CDH4: variants seen among roughly 807,000 people sequenced by gnomAD.
CDH4 encodes cadherin 4, also known as cadherin-4.
In CDH4, 33 loss-of-function variants were observed where a neutral mutation model predicts 86.0. That is an observed-to-expected ratio of 0.38 (90% CI 0.29 to 0.51). The LOEUF (loss-of-function observed/expected upper bound fraction) is 0.51, where lower values mean the gene tolerates loss of function less well. CDH4 is among the 20% of genes least tolerant of loss of function. The pLI is 0.86. For missense variants in CDH4, 1,114 were observed against 1,307.4 expected, an observed-to-expected ratio of 0.85 and a Z score of 2.28; for synonymous variants, 555 against 549.4, an observed-to-expected ratio of 1.01 and a Z score of -0.14.
chr20:61,561,109 T>C (rs887994307), intron 2 of CDH4, among the ~76,000 whole-genome samples: 2 of 152,180 alleles, frequency 1.3e-5, no homozygotes, highest in African/African-American at 2.4e-5. Context: ...GCTTTCCACA[T>C]AGCTGTCCCC....
In CDH4 at chr20:61,807,378, G is replaced by A. The variant is rs923379817; in HGVS notation, c.576+34196G>A. Among the ~76,000 whole-genome samples, 2 of 152,234 alleles carry A rather than the reference G, an allele frequency of 1.3e-5. No individual in the cohort carries two copies. Among genetic ancestry groups the A allele is most frequent in the Admixed American group, 6.5e-5 (1 of 15,290 alleles). On this transcript the variant is annotated intron_variant, in intron 4 of 15. Coordinates refer to ENST00000614565, the MANE Select transcript of CDH4 (RefSeq NM_001794.5). The surrounding 1 kb of genome is among the most constrained non-coding windows in gnomAD (Gnocchi z 4.5). ...GCGGTGGGAGAGGATTCCCTGAGCTGTAGAGTTTACCCTCAGCTTCTCGTA... is the reference window on the plus strand; with the variant it reads ...GCGGTGGGAGAGGATTCCCTGAGCTATAGAGTTTACCCTCAGCTTCTCGTA...
intron 3 of CDH4, among the ~76,000 whole-genome samples, chr20:61,757,886 C>T (rs2088584887): frequency 6.6e-6 from 1 of 152,170 alleles, no homozygotes; most frequent in African/African-American, 2.4e-5. Context: ...CTCTGAGGAC[C>T]TTGGAGTCCC....
At position 61,817,290 on chromosome 20, in the gene CDH4, G is replaced by A. The variant is rs569188985; in HGVS notation, c.577-27378G>A. On this transcript the variant is annotated intron_variant, in intron 4 of 15. Coordinates refer to ENST00000614565, the MANE Select transcript of CDH4 (RefSeq NM_001794.5). ...AGTGCCCCTCACCGGGCCCAGCCCCGCTAGGTCCCGGGCTGCACCCAGCTC... is the reference window on the plus strand; with the variant it reads ...AGTGCCCCTCACCGGGCCCAGCCCCACTAGGTCCCGGGCTGCACCCAGCTC... 1.6e-4 allele frequency among the ~76,000 whole-genome samples: 25 copies of A among 152,194 alleles called. No homozygotes were observed. In the East Asian group the frequency reaches 2.0e-3, roughly 12 times the overall value.
At chr20:61,935,392 C>T (rs901478764) in intron 15 of CDH4, among the ~76,000 whole-genome samples, 5 of 152,240 alleles carry the variant, frequency 3.3e-5, no homozygotes, top group Non-Finnish European at 7.3e-5. Flanking sequence ...ATGACGCTTA[C>T]CGTCTATGAC....
At chr20:61,685,631 C>A (rs1384707580) in intron 2 of CDH4, among the ~76,000 whole-genome samples, 1 of 152,248 alleles carries the variant, frequency 6.6e-6, no homozygotes, top group Non-Finnish European at 1.5e-5. Flanking sequence ...GTCACTCAGC[C>A]TCTGTGTCTC....
intron 2 of CDH4, among the ~76,000 whole-genome samples, chr20:61,286,383 C>G (rs2084293441): frequency 6.6e-6 from 1 of 152,232 alleles, no homozygotes; most frequent in African/African-American, 2.4e-5. Flanking sequence ...GCGAAGCTCA[C>G]TTGTCCAGCT....
intron 2 of CDH4, among the ~76,000 whole-genome samples, chr20:61,651,596 T>C (rs2087121357): frequency 2.0e-5 from 3 of 152,296 alleles, no homozygotes; most frequent in Non-Finnish European, 4.4e-5. Context: ...TCCATTTAGT[T>C]GCCCTGTTAC....
intron 2 of CDH4, chr20:61,740,766 G>A (rs1019677255): frequency 2.0e-5 from 3 of 152,262 alleles, no homozygotes; most frequent in African/African-American, 7.2e-5. Flanking sequence ...CTAGTGGGCT[G>A]AGTGTTCAGA....
intron 2 of CDH4, among the ~76,000 whole-genome samples, chr20:61,646,043 C>T (rs1272021632): frequency 6.6e-6 from 1 of 152,196 alleles, no homozygotes; most frequent in African/African-American, 2.4e-5. Context: ...CCCCAGCATG[C>T]AGTGAGCTCA....
At chr20:61,536,890 C>A (rs2086001428) in intron 2 of CDH4, among the ~76,000 whole-genome samples, 1 of 152,178 alleles carries the variant, frequency 6.6e-6, no homozygotes, top group Non-Finnish European at 1.5e-5. Flanking sequence ...TGGCCCTCCC[C>A]TCCAGAGAAG....
intron 2 of CDH4, chr20:61,739,066 T>C (rs531520650): frequency 2.0e-5 from 3 of 152,384 alleles, no homozygotes; most frequent in African/African-American, 7.2e-5. Flanking sequence ...TGGGAATCCA[T>C]TGGATGTTAA....
At chr20:61,523,435 C>T (rs1349642002) in intron 2 of CDH4, among the ~76,000 whole-genome samples, 1 of 152,278 alleles carries the variant, frequency 6.6e-6, no homozygotes, top group Non-Finnish European at 1.5e-5. Context: ...CATTCCAGCA[C>T]AACACAGAGA....
intron 8 of CDH4, among the ~76,000 whole-genome samples, chr20:61,898,255 C>T (rs1985225637): frequency 6.6e-6 from 1 of 152,266 alleles, no homozygotes; most frequent in East Asian, 1.9e-4. Context: ...CAAGAACAAT[C>T]AGCAGAAGCT....
intron 4 of CDH4, among the ~76,000 whole-genome samples, chr20:61,836,187 G>A (rs1200610800): frequency 2.0e-5 from 3 of 152,238 alleles, no homozygotes; most frequent in African/African-American, 7.2e-5. Flanking sequence ...CACGTCGGTT[G>A]TATTCCCAGG....
chr20:61,868,070 G>A (rs1175232153), intron 6 of CDH4, among the ~76,000 whole-genome samples: 2 of 152,202 alleles, frequency 1.3e-5, no homozygotes, highest in Admixed American at 6.5e-5. Flanking sequence ...ATCAATATCC[G>A]ATTAGTGCTT....
At chr20:61,467,411 T>A (rs1045087295) in intron 2 of CDH4, among the ~76,000 whole-genome samples, 2 of 152,256 alleles carry the variant, frequency 1.3e-5, no homozygotes, top group Non-Finnish European at 2.9e-5. Context: ...TTTTGGGTAC[T>A]CTGTGGTCGT....
chr20:61,547,373 C>T (rs901014211), intron 2 of CDH4, among the ~76,000 whole-genome samples: 20 of 151,726 alleles, frequency 1.3e-4, no homozygotes, highest in South Asian at 2.1e-4. Flanking sequence ...CCACTGCGCC[C>T]GGCTAATTTT....
intron 2 of CDH4, among the ~76,000 whole-genome samples, chr20:61,469,352 C>T (rs753153076): frequency 6.6e-6 from 1 of 152,138 alleles, no homozygotes; most frequent in Non-Finnish European, 1.5e-5. Flanking sequence ...GCCATTTGTA[C>T]ATCATCTTTT....
intron 2 of CDH4, among the ~76,000 whole-genome samples, chr20:61,513,872 G>C (rs909257363): frequency 6.6e-6 from 1 of 152,254 alleles, no homozygotes; most frequent in East Asian, 1.9e-4. Context: ...CACTGTTACT[G>C]AACCCATCTG....
Sources: gnomAD v4.1 joint callset for allele counts (sites outside exome capture counted in the v4.1 genomes callset) on GRCh38, gnomAD v4.1.1 for gene constraint, Gnocchi (gnomAD v3.1) non-coding constraint, MANE v1.5 for transcripts, NCBI Gene and HGNC (gene_info 2026-07-23, HGNC 2026-07-21) for gene names.